Variants in MGA observed in about 807,000 individuals in gnomAD.
MGA encodes MAX gene-associated protein.
In MGA, 40 loss-of-function variants were observed where a neutral mutation model predicts 261.1. That is an observed-to-expected ratio of 0.15 (90% CI 0.12 to 0.20). The LOEUF (loss-of-function observed/expected upper bound fraction) is 0.20, where lower values mean the gene tolerates loss of function less well. MGA is among the 10% of genes least tolerant of loss of function. The pLI is 1.00. For missense variants in MGA, 3,397 were observed against 3,630.5 expected, an observed-to-expected ratio of 0.94 and a Z score of 1.65; for synonymous variants, 1,302 against 1,290.6, an observed-to-expected ratio of 1.01 and a Z score of -0.19.
Position 41,711,343 on chromosome 15 carries a change from A to T in MGA, c.3078A>T (p.Thr1026=), listed in dbSNP as rs767751853. 1 of 1,591,780 alleles carries T rather than the reference A, an allele frequency of 6.3e-7. No individual in the cohort carries two copies. ...ATGTATCCTTAACAACTCTACTTACAGCTCAAGTAAGTAGCTGCTGTTTTC... is the reference window on the plus strand; with the variant it reads ...ATGTATCCTTAACAACTCTACTTACTGCTCAAGTAAGTAGCTGCTGTTTTC... Residue 1026 remains threonine (T), a synonymous_variant, in exon 8 of 24, where the codon ACA becomes ACT. Coordinates refer to ENST00000219905, the MANE Select transcript of MGA (RefSeq NM_001164273.2).
rs117001405 is a variant in MGA, at chr15:41,707,224, A to G, written c.2189-504A>G. On this transcript the variant is annotated intron_variant, in intron 5 of 23. Transcript: ENST00000219905. ...ATATATTTACTGTATCACAGTTTCT[A>G]TGTGTCAGCAGTCTGGGCATAGCTT... is the stretch of plus-strand genomic sequence containing the variant. Among the ~76,000 whole-genome samples, 647 of 152,322 alleles carry G rather than the reference A, an allele frequency of 4.2e-3. 3 individuals are homozygous for G. Among genetic ancestry groups the G allele is most frequent in the African/African-American group, 0.012 (511 of 41,570 alleles).
Position 41,768,664 on chromosome 15 carries a change from G to A in MGA, c.*1384G>A, listed in dbSNP as rs938924440. On this transcript the variant is annotated 3_prime_UTR_variant, in exon 24 of 24. Transcript: ENST00000219905. ...GTCTTCATTGACAGGATTTGCTTGT[G>A]TTGTTAAAACACTAACACAAGAGCT... 6.6e-6 allele frequency: 1 copy of A among 152,614 alleles called. No individual in the cohort carries two copies. The highest frequency in any genetic ancestry group is 2.1e-4 in the South Asian group (1 of 4,830). The allele number at this position is 152,614 out of a possible 1,614,324, so 9.5% of individuals were successfully genotyped here.
intron 9 of MGA, chr15:41,718,340 T>C (rs992003319): frequency 3.7e-5 from 13 of 350,642 alleles, no homozygotes; most frequent in African/African-American, 2.4e-4. Flanking sequence ...TATACATGTA[T>C]AGTATTATTT....
At chr15:41,678,236 G>T (rs1366964858) in intron 2 of MGA, among the ~76,000 whole-genome samples, 1 of 151,332 alleles carries the variant, frequency 6.6e-6, no homozygotes, top group African/African-American at 2.4e-5. Flanking sequence ...GATTACAGGC[G>T]CTGGCCACCA....
At chr15:41,711,492 G>C (rs941502607) in intron 8 of MGA, 143 bp downstream of exon 8, 1 of 809,982 alleles carries the variant, frequency 1.2e-6, no homozygotes, top group East Asian at 2.7e-5. Context: ...CTAAGGCTAT[G>C]TCTTCCCCAT....
chr15:41,714,266 A>G (rs2060519199), intron 9 of MGA, among the ~76,000 whole-genome samples: 1 of 152,200 alleles, frequency 6.6e-6, no homozygotes, highest in African/African-American at 2.4e-5. Context: ...TCTGCTTTCC[A>G]CATCAACAAT....
rs151329316 is a variant in MGA, at chr15:41,640,158, A to G, written c.-68+18860A>G. On this transcript the variant is annotated intron_variant, in intron 1 of 8. Transcript: ENST00000566718. ...TAGGGAGAATGATGCTGGTGAATTT[A>G]TGGACTACGAAGGCAGAGAGAAGAT... 7.9e-5 allele frequency among the ~76,000 whole-genome samples: 12 copies of G among 152,330 alleles called. No individual in the cohort carries two copies. In the East Asian group the frequency reaches 1.7e-3, roughly 22 times the overall value.
chr15:41,749,912 G>C lies in MGA; in HGVS notation c.6305G>C (p.Ser2102Thr). The change falls in exon 17 of 24, where the codon AGT (serine) becomes ACT (threonine). Residue 2102 changes from serine to threonine, a missense_variant. Coordinates refer to ENST00000219905, the MANE Select transcript of MGA (RefSeq NM_001164273.2). ...AGTAATAAGACAGTCCAAAATTTAA[G>C]TAAAGTACAGCATCAAAAACTTGGT... 2 of 1,613,938 alleles carry C rather than the reference G, an allele frequency of 1.2e-6. No homozygotes were observed. The highest frequency in any genetic ancestry group is 4.5e-5 in the East Asian group (2 of 44,874).
intron 1 of MGA, among the ~76,000 whole-genome samples, chr15:41,660,840 C>T (rs1257165272): frequency 1.3e-5 from 2 of 152,320 alleles, no homozygotes; most frequent in East Asian, 1.9e-4. Flanking sequence ...TGGCTCGGCC[C>T]TGCCCTCGCG....
chr15:41,710,505 G>A (rs1006513161), intron 7 of MGA, among the ~76,000 whole-genome samples, 186 bp from the exon 8 acceptor site: 5 of 152,068 alleles, frequency 3.3e-5, no homozygotes, highest in African/African-American at 1.2e-4. Flanking sequence ...AGCCTGTAGC[G>A]ATCGTTTTGC....
rs576727384 is a variant in MGA at position 41,666,006 on chromosome 15, C to G, written c.-67-2822C>G. Among the ~76,000 whole-genome samples the G allele has an allele frequency of 4.6e-4, 70 of 151,566 alleles. No homozygotes were observed. In the South Asian group the frequency reaches 0.011, roughly 24 times the overall value. ...TTATGGCTCACTGCAACCTGAACTT[C>G]CAGGGCTGCTGAAGGTGTCCTCCTG... On this transcript the variant is annotated intron_variant, in intron 1 of 23. Coordinates refer to ENST00000219905, the MANE Select transcript of MGA (RefSeq NM_001164273.2).
chr15:41,754,347 A>G, intron 17 of MGA, 90 bp from the exon 18 acceptor site: 2 of 1,180,306 alleles, frequency 1.7e-6, no homozygotes, highest in Non-Finnish European at 2.3e-6. Context: ...GTCTGGCATT[A>G]GTTGGTTTTA....
At position 41,733,922 on chromosome 15, in the gene MGA, C is replaced by CTTTTTT. The variant is rs143496306; in HGVS notation, c.3844-595_3844-590dup. ...CCACATTGGCAAATTTTGTTTCTTT[C>CTTTTTT]TTTTTTTTTTCGAGATAGGGCCTCA... On this transcript the variant is annotated intron_variant, in intron 11 of 23. Transcript: ENST00000219905. Among the ~76,000 whole-genome samples, 135 of 145,286 alleles carry CTTTTTT rather than the reference C, an allele frequency of 9.3e-4. 2 individuals carry two copies. The South Asian group carries it at 0.012, about 13-fold the overall frequency.
At chr15:41,713,628 A>G in intron 9 of MGA, 132 bp downstream of exon 9, 1 of 1,113,874 alleles carries the variant, frequency 9.0e-7, no homozygotes, top group Non-Finnish European at 1.2e-6. Flanking sequence ...TATTATCCTT[A>G]CATGCTCTTT....
intron 5 of MGA, among the ~76,000 whole-genome samples, chr15:41,707,201 A>G (rs1595807623): frequency 6.6e-6 from 1 of 152,194 alleles, no homozygotes; most frequent in Non-Finnish European, 1.5e-5. Context: ...TTAAAACGAT[A>G]TATTTACTGT....
chr15:41,653,104 C>T (rs567991190), intron 1 of MGA, among the ~76,000 whole-genome samples: 4 of 152,258 alleles, frequency 2.6e-5, no homozygotes, highest in Admixed American at 6.5e-5. Context: ...TGGTAGCTCA[C>T]GCCTGTAATC....
intron 22 of MGA, among the ~76,000 whole-genome samples, chr15:41,763,383 G>C (rs2063605967): frequency 6.6e-6 from 1 of 151,428 alleles, no homozygotes; most frequent in Non-Finnish European, 1.5e-5. Context: ...TTACAGGCGT[G>C]AGCCACTGCG....
chr15:41,658,320 C>T (rs2057249860), upstream of MGA, among the ~76,000 whole-genome samples: 2 of 152,118 alleles, frequency 1.3e-5, no homozygotes, highest in African/African-American at 2.4e-5. Flanking sequence ...CTTAAACCTT[C>T]GGTTATATAT....
chr15:41,670,726 T>C (rs567452520), intron 2 of MGA, among the ~76,000 whole-genome samples: 2 of 152,088 alleles, frequency 1.3e-5, no homozygotes, highest in East Asian at 3.9e-4. Flanking sequence ...CAGGATGGTC[T>C]CGATCTCCTG....
Sources: gnomAD v4.1 joint callset for allele counts (sites outside exome capture counted in the v4.1 genomes callset) on GRCh38, gnomAD v4.1.1 for gene constraint, MANE v1.5 for transcripts, NCBI Gene and HGNC (gene_info 2026-07-23, HGNC 2026-07-21) for gene names.